Variants in TTC28 observed in about 807,000 individuals in gnomAD.
TTC28 encodes the protein tetratricopeptide repeat protein 28.
In TTC28, 61 loss-of-function variants were observed where a neutral mutation model predicts 198.0. The ratio of observed to expected loss-of-function variants is 0.31; its 90% confidence interval spans 0.25 to 0.38. TTC28 has a LOEUF of 0.38. Among genes scored for constraint, TTC28 ranks in the 10% least tolerant of loss-of-function variants. TTC28 has a pLI of 1.00. For missense variants in TTC28, 2,678 were observed against 3,164.0 expected (o/e 0.85, Z 3.69); for synonymous variants, 1,171 against 1,297.8 (o/e 0.90, Z 2.10).
At chr22:28,224,312 T>C (rs946757121) in intron 5 of TTC28, among the ~76,000 whole-genome samples, 29 of 152,206 alleles carry the variant, frequency 1.9e-4, no homozygotes. Context: ...CAGGTGATGC[T>C]GATGTTGCTG....
intron 2 of TTC28, among the ~76,000 whole-genome samples, chr22:28,342,535 T>C (rs541192484): frequency 6.6e-6 from 1 of 152,242 alleles, no homozygotes; most frequent in South Asian, 2.1e-4. Flanking sequence ...TATTTTCGGC[T>C]TAAATTGCTT....
chr22:28,208,817 C>T (rs770393932), intron 5 of TTC28, among the ~76,000 whole-genome samples: 1 of 151,910 alleles, frequency 6.6e-6, no homozygotes, highest in African/African-American at 2.4e-5. Flanking sequence ...GATCTGAAAC[C>T]AATTTCGGCC....
chr22:28,137,027 G>A (rs1943215320), intron 6 of TTC28, among the ~76,000 whole-genome samples: 1 of 152,192 alleles, frequency 6.6e-6, no homozygotes, highest in Non-Finnish European at 1.5e-5. Flanking sequence ...AAGGGGCATG[G>A]AAAGACACAT....
chr22:28,555,328 C>G (rs187324792), intron 2 of TTC28, among the ~76,000 whole-genome samples: 1,806 of 152,292 alleles, frequency 0.012, 98 homozygotes, highest in Admixed American at 0.096. Context: ...TTTGATCCAG[C>G]AATCCCATTA....
At chr22:28,192,897 C>T (rs146997686) in intron 5 of TTC28, among the ~76,000 whole-genome samples, 2,153 of 152,260 alleles carry the variant, frequency 0.014, 42 homozygotes, top group African/African-American at 0.05. Flanking sequence ...ACTTCCCCAA[C>T]CTAGCAAGGC....
intron 2 of TTC28, among the ~76,000 whole-genome samples, chr22:28,378,307 C>G (rs1156474145): frequency 2.1e-5 from 3 of 144,514 alleles, no homozygotes; most frequent in Non-Finnish European, 4.5e-5. Context: ...GATCTCACCA[C>G]TGCACTCCAA....
At chr22:28,512,240 C>A (rs554829379) in intron 2 of TTC28, among the ~76,000 whole-genome samples, 1 of 152,036 alleles carries the variant, frequency 6.6e-6, no homozygotes, top group Non-Finnish European at 1.5e-5. Flanking sequence ...AAAACCACAA[C>A]GAGATATCAT....
At chr22:28,567,115 T>G (rs946375072) in intron 2 of TTC28, among the ~76,000 whole-genome samples, 1 of 149,478 alleles carries the variant, frequency 6.7e-6, no homozygotes, top group African/African-American at 2.5e-5. Context: ...CTTGGGAGGC[T>G]GAGGCAAGAG....
At chr22:28,371,793 G>T (rs2046341687) in intron 2 of TTC28, among the ~76,000 whole-genome samples, 1 of 147,094 alleles carries the variant, frequency 6.8e-6, no homozygotes, top group Non-Finnish European at 1.5e-5. Context: ...TCTTGGCCAG[G>T]CTGGTCTTGA....
chr22:28,635,661 G>C (rs1178728647), intron 1 of TTC28, among the ~76,000 whole-genome samples: 1 of 152,022 alleles, frequency 6.6e-6, no homozygotes, highest in African/African-American at 2.4e-5. Flanking sequence ...AATTTTTCTA[G>C]CTTTATTGAG....
chr22:28,443,392 G>C (rs894430709), intron 2 of TTC28, among the ~76,000 whole-genome samples: 13 of 152,278 alleles, frequency 8.5e-5, no homozygotes, highest in Non-Finnish European at 1.9e-4. Context: ...CCACAATTCT[G>C]GGTGTATTTC....
intron 2 of TTC28, among the ~76,000 whole-genome samples, chr22:28,592,091 G>A (rs1366275268): frequency 6.6e-6 from 1 of 152,070 alleles, no homozygotes; most frequent in Non-Finnish European, 1.5e-5. Flanking sequence ...GGAAGGGCAA[G>A]GCCTGCACAA....
intron 16 of TTC28, 170 bp downstream of exon 16, chr22:27,998,370 A>G: frequency 8.6e-7 from 1 of 1,158,250 alleles, no homozygotes; most frequent in Admixed American, 2.9e-5. Context: ...TAGTAGGAAA[A>G]ACTCATTTGG....
intron 6 of TTC28, among the ~76,000 whole-genome samples, chr22:28,121,894 G>A (rs1321673984): frequency 3.3e-5 from 5 of 152,170 alleles, no homozygotes; most frequent in Admixed American, 6.5e-5. Flanking sequence ...TTGAGACAGA[G>A]TCTTGCTCTA....
chr22:28,563,360 C>G (rs2049921387), intron 2 of TTC28, among the ~76,000 whole-genome samples: 1 of 152,082 alleles, frequency 6.6e-6, no homozygotes, highest in African/African-American at 2.4e-5. Flanking sequence ...AATCAAAAGT[C>G]TTCTAAATTT....
chr22:28,484,488 A>G (rs1014613059), intron 2 of TTC28, among the ~76,000 whole-genome samples: 2 of 152,124 alleles, frequency 1.3e-5, no homozygotes, highest in African/African-American at 4.8e-5. Context: ...GGCAAACCCC[A>G]TATTTGTCAT....
chr22:28,022,637 CTT>C (rs1266904485), intron 13 of TTC28, among the ~76,000 whole-genome samples: 1 of 152,254 alleles, frequency 6.6e-6, no homozygotes, highest in Non-Finnish European at 1.5e-5. Flanking sequence ...CTGGAAAATC[CTT>C]TGGTTCCTTC....
intron 1 of TTC28, among the ~76,000 whole-genome samples, 172 bp downstream of exon 1, chr22:28,679,450 G>A (rs1461480358): frequency 1.3e-5 from 2 of 152,200 alleles, no homozygotes; most frequent in Non-Finnish European, 2.9e-5. Flanking sequence ...AACTGAGCCA[G>A]GCAGGCGGCG....
rs1478700398 is a variant in TTC28 at position 27,989,859 on chromosome 22, TC to T, written c.5707+18del. ...GATGGAATTCAAGAACCCATTTAAG[TC>T]AAGGATTCTCTGCCTACCTAGAGCT... On this transcript the variant is annotated intron_variant, in intron 21 of 22. Coordinates refer to ENST00000397906, the MANE Select transcript of TTC28 (RefSeq NM_001145418.2). 2 of 1,543,448 alleles carry T rather than the reference TC, an allele frequency of 1.3e-6. No individual in the cohort carries two copies. The highest frequency in any genetic ancestry group is 2.7e-5 in the African/African-American group (2 of 72,892).
Sources: allele counts gnomAD v4.1 joint callset (sites outside exome capture counted in the v4.1 genomes callset), GRCh38; gene constraint gnomAD v4.1.1; transcripts MANE v1.5; gene names NCBI Gene and HGNC (gene_info 2026-07-23, HGNC 2026-07-21).